COL16A1: variants seen among roughly 807,000 people sequenced by gnomAD.
The protein encoded by COL16A1 is collagen alpha-1(XVI) chain.
A neutral mutation model predicts 266.3 loss-of-function variants in COL16A1; 189 were observed. The observed-to-expected ratio is 0.71, with a 90% CI of 0.63 to 0.80. The LOEUF is 0.80. Among genes scored for constraint, COL16A1 ranks in the 30% least tolerant of loss-of-function variants. The pLI is 0.00. For missense variants in COL16A1, 1,928 were observed against 2,122.4 expected (o/e 0.91, Z 1.80); for synonymous variants, 740 against 782.3 (o/e 0.95, Z 0.90).
At position 31,688,408 on chromosome 1, in the gene COL16A1, C is replaced by T; in HGVS notation, c.1803+59G>A. 6.3e-7 allele frequency: 1 copy of T among 1,594,892 alleles called. No homozygotes were observed. Among genetic ancestry groups the T allele is most frequent in the Non-Finnish European group, 8.6e-7 (1 of 1,162,674 alleles). The stretch of plus-strand genomic sequence containing the variant: ...ACCCTTATTCCCCGCCCGCACCACT[C>T]CTCCCCTGCCTGCCTGCCAAGAAAC... On this transcript the variant is annotated intron_variant, in intron 26 of 70. Coordinates refer to ENST00000373672, the MANE Select transcript of COL16A1 (RefSeq NM_001856.4). The surrounding 1 kb of genome is among the most constrained non-coding windows in gnomAD (Gnocchi z 4.9).
chr1:31,671,944 T>C (rs1253420792), intron 47 of COL16A1, among the ~76,000 whole-genome samples: 1 of 152,204 alleles, frequency 6.6e-6, no homozygotes, highest in Non-Finnish European at 1.5e-5. Flanking sequence ...AGTTACATTC[T>C]AGGGGAGAGA....
chr1:31,676,773 C>T (rs1643221087), intron 42 of COL16A1, among the ~76,000 whole-genome samples: 1 of 152,196 alleles, frequency 6.6e-6, no homozygotes, highest in Non-Finnish European at 1.5e-5. Flanking sequence ...CATTTTGAAT[C>T]CCCAGCACCC....
Position 31,692,940 on chromosome 1 carries a change from C to A in COL16A1, c.1072-132G>T, listed in dbSNP as rs544887308. Reference sequence around the variant, plus strand: ...GAAAAGGGGGGCTTCTACACCCAAACCCCTAGAAAGACCCTGGCCCTCACC... The same window carrying A: ...GAAAAGGGGGGCTTCTACACCCAAAACCCTAGAAAGACCCTGGCCCTCACC... On this transcript the variant is annotated intron_variant, in intron 13 of 70. Transcript: ENST00000373672. The A allele has an allele frequency of 2.9e-6, 3 of 1,017,436 alleles. No individual in the cohort carries two copies. The Admixed American group carries it at 6.1e-5, about 21-fold the overall frequency. The allele number at this position is 1,017,436 out of a possible 1,614,324, so 63.0% of individuals were successfully genotyped here.
In COL16A1 at chr1:31,679,863, TG is replaced by T. The variant is rs1643484140; in HGVS notation, c.2671-13del. The T allele has an allele frequency of 4.7e-6, 7 of 1,504,920 alleles. No homozygotes were observed. The East Asian group carries it at 1.2e-4, about 26-fold the overall frequency. 93.2% of individuals were successfully genotyped at this position (1,504,920 alleles called of 1,614,324 possible). ...AGTCCCGGAGCACCCTGGGTGGGAG[TG>T]GGGGTCGCAAAAGAAGGGGAGAGGT... is the stretch of plus-strand genomic sequence containing the variant. On this transcript the variant is annotated splice_polypyrimidine_tract_variant and intron_variant, in intron 40 of 70. Transcript: ENST00000373672.
chr1:31,683,819 TCTC>T, intron 33 of COL16A1, 71 bp from the exon 34 acceptor site: 3 of 1,610,838 alleles, frequency 1.9e-6, no homozygotes, highest in Non-Finnish European at 2.5e-6. Context: ...CCCAGCCCCT[TCTC>T]CTCCAGCTTC....
chr1:31,687,414 GACAC>G (rs143135979), intron 26 of COL16A1, among the ~76,000 whole-genome samples: 2 of 140,568 alleles, frequency 1.4e-5, no homozygotes, highest in African/African-American at 5.3e-5. Context: ...ACAACGCACA[GACAC>G]ACACACACAC....
intron 44 of COL16A1, 125 bp from the exon 45 acceptor site, chr1:31,672,965 C>T (rs1228966143): frequency 2.3e-6 from 2 of 851,304 alleles, no homozygotes; most frequent in African/African-American, 1.7e-5. Context: ...TCCTCCCACA[C>T]TCCCTCCCTC....
chr1:31,656,583 C>G lies in COL16A1; in HGVS notation c.4057-139G>C. The G allele has an allele frequency of 7.5e-7, 1 of 1,337,882 alleles. No individual in the cohort carries two copies. Among genetic ancestry groups the G allele is most frequent in the South Asian group, 1.5e-5 (1 of 67,008 alleles). 82.9% of individuals were successfully genotyped at this position (1,337,882 alleles called of 1,614,324 possible). On this transcript the variant is annotated intron_variant, in intron 65 of 70. Coordinates refer to ENST00000373672, the MANE Select transcript of COL16A1 (RefSeq NM_001856.4). The surrounding 1 kb of genome is among the most constrained non-coding windows in gnomAD (Gnocchi z 4.2). ...AGCCCAGCTCTGTGTGAGAAAGGAG[C>G]GCAGCCTCCCTGCCCAGCTGGAAGG... is the stretch of plus-strand genomic sequence containing the variant.
intron 34 of COL16A1, 80 bp from the exon 35 acceptor site, chr1:31,683,449 G>C: frequency 1.2e-6 from 2 of 1,609,220 alleles, no homozygotes; most frequent in Admixed American, 3.3e-5. Context: ...CGGCAGACCT[G>C]GTCTGGGTGG....
chr1:31,662,795 T>A, intron 56 of COL16A1, 137 bp from the exon 57 acceptor site: 1 of 825,476 alleles, frequency 1.2e-6, no homozygotes, highest in Non-Finnish European at 1.9e-6. Context: ...GGGCCCAATC[T>A]GTCCCTGTCT....
At chr1:31,693,218 C>A in intron 12 of COL16A1, 64 bp from the exon 13 acceptor site, 1 of 1,054,906 alleles carries the variant, frequency 9.5e-7, no homozygotes, top group South Asian at 1.3e-5. Context: ...TGAGAAAGCT[C>A]TCCCCACTTC....
chr1:31,663,824 G>A lies in COL16A1; in HGVS notation c.3556-1166C>T, dbSNP rs1451533616. Among the ~76,000 whole-genome samples the A allele has an allele frequency of 6.6e-6, 1 of 152,190 alleles. No homozygotes were observed. Among genetic ancestry groups the A allele is most frequent in the Non-Finnish European group, 1.5e-5 (1 of 68,030 alleles). Reference sequence around the variant, plus strand: ...GAAGAGTGATGAGAACTGATGCATGGATTGGAATGTTTACCAGAAAAGGCG... The same window carrying A: ...GAAGAGTGATGAGAACTGATGCATGAATTGGAATGTTTACCAGAAAAGGCG... On this transcript the variant is annotated intron_variant, in intron 56 of 70. Coordinates refer to ENST00000373672, the MANE Select transcript of COL16A1 (RefSeq NM_001856.4). The surrounding 1 kb of genome is among the most constrained non-coding windows in gnomAD (Gnocchi z 4.9).
chr1:31,674,693 G>T (rs146571019), intron 44 of COL16A1, among the ~76,000 whole-genome samples: 1 of 152,186 alleles, frequency 6.6e-6, no homozygotes, highest in Non-Finnish European at 1.5e-5. Context: ...GGGCTCTGCC[G>T]CAGGGTGACC....
At position 31,691,191 on chromosome 1, in the gene COL16A1, G is replaced by C. The variant is rs763911595; in HGVS notation, c.1434C>G (p.Asp478Glu). ...DPGGPPGPKG[D>E]KGSSGIPGKE... ...CCACACTCCCACCTATGCTCACCTT[G>C]TCTCCCTTGGGGCCTGGTGGGCCAC... is the stretch of plus-strand genomic sequence containing the variant. The change falls in exon 20 of 71, where the codon GAC becomes GAG. Residue 478 changes from aspartate to glutamate, a missense_variant. This residue lies in a region of COL16A1 where 1,552 missense variants were observed against 1,637.2 expected (regional missense o/e 0.95). Transcript: ENST00000373672. 8.1e-6 allele frequency: 13 copies of C among 1,613,814 alleles called. No individual in the cohort carries two copies. Among genetic ancestry groups the C allele is most frequent in the Non-Finnish European group, 1.1e-5 (13 of 1,179,910 alleles).
Position 31,663,954 on chromosome 1 carries a change from C to T in COL16A1, c.3555+1218G>A, listed in dbSNP as rs530049533. 1.3e-5 allele frequency among the ~76,000 whole-genome samples: 2 copies of T among 152,224 alleles called. No homozygotes were observed. Among genetic ancestry groups the T allele is most frequent in the African/African-American group, 2.4e-5 (1 of 41,530 alleles). On this transcript the variant is annotated intron_variant, in intron 56 of 70. Coordinates refer to ENST00000373672, the MANE Select transcript of COL16A1 (RefSeq NM_001856.4). This position sits in a 1 kb window ranked among gnomAD's most constrained non-coding sequence, Gnocchi z 4.9. ...GTAGGGTGGTCAAGGGAAGGAATCC[C>T]GCTAGAGAGACCCAGCAAAGGGGAA...
In COL16A1 at chr1:31,702,266, T is replaced by C. The variant is rs913368195; in HGVS notation, c.-34-39A>G. The stretch of plus-strand genomic sequence containing the variant: ...AGACCGGGAAGGCGGATTTCTGAGT[T>C]CACACAGCACAACTCCACACGTGGG... On this transcript the variant is annotated intron_variant, in intron 1 of 70. Transcript: ENST00000373672. 2.5e-6 allele frequency: 4 copies of C among 1,604,632 alleles called. No homozygotes were observed. In the South Asian group the frequency reaches 3.3e-5, roughly 13 times the overall value.
chr1:31,661,662 G>A lies in COL16A1; in HGVS notation c.3724C>T (p.Pro1242Ser). ...CTCCTTCCTGCAGCTCAACTTACCG[G>A]TGGTCCCATGAGTCCAGGGGGGCCA... ...PAGPPGLMGPPGFKGKTGHPG... is the reference protein window; with the variant it reads ...PAGPPGLMGPSGFKGKTGHPG... The change falls in exon 59 of 71, where the codon CCG becomes TCG. Residue 1242 changes from proline to serine, a missense_variant and splice_region_variant. By Grantham distance (74) the Pro-to-Ser change is moderately conservative. Coordinates refer to ENST00000373672, the MANE Select transcript of COL16A1 (RefSeq NM_001856.4). The A allele has an allele frequency of 6.2e-7, 1 of 1,613,380 alleles. No individual in the cohort carries two copies. The highest frequency in any genetic ancestry group is 8.5e-7 in the Non-Finnish European group (1 of 1,179,782).
rs369871620 is a variant in COL16A1 at position 31,670,381 on chromosome 1, G to A, written c.3195+221C>T. 2.0e-4 allele frequency: 92 copies of A among 466,452 alleles called. No individual in the cohort carries two copies. The highest frequency in any genetic ancestry group is 1.1e-3 in the Middle Eastern group (2 of 1,822). 28.9% of individuals were successfully genotyped at this position (466,452 alleles called of 1,614,324 possible). ...AGAGAGAGAAGAGGAGAGAAAGAAC[G>A]CAGGAGAGGAGGGAGAGGAGAAAAC... On this transcript the variant is annotated intron_variant, in intron 49 of 70. Transcript: ENST00000373672. This position sits in a 1 kb window ranked among gnomAD's most constrained non-coding sequence, Gnocchi z 4.5.
At chr1:31,690,457 C>T (rs1301192640) in intron 21 of COL16A1, 64 bp from the exon 22 acceptor site, 7 of 1,614,074 alleles carry the variant, frequency 4.3e-6, no homozygotes, top group African/African-American at 2.7e-5. Flanking sequence ...AACTGAGGGC[C>T]GGAGGACCTA....
Sources: gnomAD v4.1 joint callset for allele counts (sites outside exome capture counted in the v4.1 genomes callset) on GRCh38, gnomAD v4.1.1 for gene constraint, gnomAD v4.1.1 regional missense constraint, Gnocchi (gnomAD v3.1) non-coding constraint, MANE v1.5 for transcripts, NCBI Gene and HGNC (gene_info 2026-07-23, HGNC 2026-07-21) for gene names.